AKNA: variants seen among roughly 807,000 people sequenced by gnomAD.
AKNA encodes AT-hook transcription factor.
In AKNA, 67 loss-of-function variants were observed where a neutral mutation model predicts 138.8. The observed-to-expected ratio is 0.48, with a 90% confidence interval of 0.40 to 0.59. AKNA has a LOEUF of 0.59. AKNA is among the 20% of genes least tolerant of loss of function. The pLI, the probability that AKNA is intolerant of heterozygous loss-of-function variation, is 0.00. For missense variants in AKNA, 1,813 were observed against 1,880.4 expected (o/e 0.96, Z 0.66); for synonymous variants, 737 against 754.4 (o/e 0.98, Z 0.38).
In AKNA at chr9:114,359,814, G is replaced by C. The variant is rs1564633796; in HGVS notation, c.2292-20C>G. ...AGGTACCTGCAGAAGAACACACAGA[G>C]GGGCATGACCTCTGCCCAGTGGGGG... On this transcript the variant is annotated intron_variant, in intron 10 of 21. Transcript: ENST00000374088. 3 of 1,592,154 alleles carry C rather than the reference G, an allele frequency of 1.9e-6. No individual in the cohort carries two copies. The highest frequency in any genetic ancestry group is 2.6e-6 in the Non-Finnish European group (3 of 1,174,794).
chr9:114,365,516 T>C (rs1438760410), intron 6 of AKNA, among the ~76,000 whole-genome samples: 3 of 152,188 alleles, frequency 2.0e-5, no homozygotes, highest in Non-Finnish European at 4.4e-5. Flanking sequence ...GGTTCGGTTT[T>C]AAGAAAGCTC....
intron 4 of AKNA, among the ~76,000 whole-genome samples, chr9:114,371,350 CTG>C (rs953061116): frequency 6.6e-6 from 1 of 152,272 alleles, no homozygotes; most frequent in African/African-American, 2.4e-5. Context: ...TTTAACCTCT[CTG>C]TGCCTCAGCT....
At chr9:114,391,802 C>T (rs1326425744), upstream of AKNA, among the ~76,000 whole-genome samples, 3 of 133,222 alleles carry the variant, frequency 2.3e-5, no homozygotes, top group Non-Finnish European at 4.6e-5. Flanking sequence ...TGCAGTGAGT[C>T]GAGATTGCAC....
Position 114,376,655 on chromosome 9 carries a change from G to GTGGCTTCT in AKNA, c.1144_1151dup (p.His384GlnfsTer29), listed in dbSNP as rs761109401. 1 of 1,613,974 alleles carries GTGGCTTCT rather than the reference G, an allele frequency of 6.2e-7. No homozygotes were observed. The highest frequency in any genetic ancestry group is 8.5e-7 in the Non-Finnish European group (1 of 1,179,950). On this transcript the variant is annotated frameshift_variant, in exon 3 of 22. Transcript: ENST00000374088. LOFTEE classifies it high-confidence loss of function. The stretch of plus-strand genomic sequence containing the variant: ...TGGCAGGGGCCTGAGGCTTCCTGTT[G>GTGGCTTCT]TGGCTTCTGGACTTGGGGGGACGGT...
At chr9:114,378,566 G>A (rs1389270901) in intron 2 of AKNA, among the ~76,000 whole-genome samples, 1 of 152,190 alleles carries the variant, frequency 6.6e-6, no homozygotes, top group Non-Finnish European at 1.5e-5. Flanking sequence ...AAAGGGAGGT[G>A]AGTGAGGAAG....
In AKNA at chr9:114,337,151, G is replaced by A. The variant is rs1429252240; in HGVS notation, c.4223C>T (p.Ala1408Val). The A allele has an allele frequency of 6.2e-7, 1 of 1,610,694 alleles. No homozygotes were observed. The highest frequency in any genetic ancestry group is 1.7e-5 in the Admixed American group (1 of 59,780). ...LNKALSRAVQ[A>V]AESVRSTTRQ... The stretch of plus-strand genomic sequence containing the variant: ...GGTGGTAGAGCGGACGCTCTCGGCA[G>A]CCTGCACGGCCCGGCTCAGGGCCTT... The change falls in exon 22 of 22, where the codon GCT becomes GTT. Residue 1408 changes from alanine (A) to valine (V), a missense_variant. Ala to Val is a moderately conservative substitution (Grantham distance 64, BLOSUM62 0). Coordinates refer to ENST00000374088, the MANE Select transcript of AKNA (RefSeq NM_001317950.2).
rs1331666417 is a variant in AKNA, at chr9:114,358,039, G to C, written c.2621C>G (p.Pro874Arg). Residue 874 changes from proline to arginine, a missense_variant, in exon 12 of 22, where the codon CCT becomes CGT. Transcript: ENST00000374088. ...APPGPGVPPH[P>R]PGTKSAASHQ... ...GGATGCTGCGGACTTGGTGCCTGGA[G>C]GGTGGGGTGGCACGCCAGGGCCTGG... The C allele has an allele frequency of 1.9e-6, 3 of 1,611,148 alleles. No homozygotes were observed. The highest frequency in any genetic ancestry group is 2.5e-6 in the Non-Finnish European group (3 of 1,177,956).
intron 19 of AKNA, 60 bp downstream of exon 19, chr9:114,343,646 CCT>C: frequency 6.5e-6 from 10 of 1,540,216 alleles, no homozygotes; most frequent in Non-Finnish European, 2.7e-6. Context: ...TACACACTCC[CCT>C]GAGGGCAAGA....
chr9:114,358,741 A>C lies in AKNA; in HGVS notation c.2493-574T>G, dbSNP rs1031906946. Among the ~76,000 whole-genome samples, 3 of 151,144 alleles carry C rather than the reference A, an allele frequency of 2.0e-5. No homozygotes were observed. In the East Asian group the frequency reaches 5.9e-4, roughly 30 times the overall value. ...TAAACTATCACAAGGACAAAAAACCAAACACCGCATGTTCTTACTCATAGG... is the reference window on the plus strand; with the variant it reads ...TAAACTATCACAAGGACAAAAAACCCAACACCGCATGTTCTTACTCATAGG... On this transcript the variant is annotated intron_variant, in intron 11 of 21. Transcript: ENST00000374088.
chr9:114,356,222 A>C, intron 13 of AKNA, 86 bp from the exon 14 acceptor site: 1 of 1,280,086 alleles, frequency 7.8e-7, no homozygotes, highest in Non-Finnish European at 1.1e-6. Context: ...CCACATGCTA[A>C]CCCAATAAGC....
At chr9:114,350,533 G>T (rs1476550654) in intron 15 of AKNA, among the ~76,000 whole-genome samples, 2 of 152,144 alleles carry the variant, frequency 1.3e-5, no homozygotes. Context: ...ACAATCAATG[G>T]TCAAATTGCA....
rs746973445 is a variant in AKNA, at chr9:114,350,863, G to T, written c.3217C>A (p.Arg1073=). ...GGATCCAAGTGTCTAACTTACTCTC[G>T]CCCTGCCCTGGTGAGCAGGAAGCTG... ...IPSFLLTRAG[R]DQAICELQEE... is the part of the protein sequence containing the mutation. Residue 1073 remains arginine, a synonymous_variant, in exon 15 of 22, where the codon CGA becomes AGA. Transcript: ENST00000374088. The T allele has an allele frequency of 6.4e-7, 1 of 1,561,988 alleles. No individual in the cohort carries two copies. Among genetic ancestry groups the T allele is most frequent in the African/African-American group, 1.4e-5 (1 of 73,182 alleles).
chr9:114,372,350 C>T (rs1259359091), intron 4 of AKNA, among the ~76,000 whole-genome samples: 1 of 152,090 alleles, frequency 6.6e-6, no homozygotes, highest in Admixed American at 6.5e-5. Context: ...GACCCTGAGT[C>T]CTACTGGGTC....
Position 114,345,876 on chromosome 9 carries a change from C to A in AKNA, c.3648G>T (p.Arg1216=). Residue 1216 remains arginine, a synonymous_variant, in exon 18 of 22, where the codon CGG becomes CGT. Coordinates refer to ENST00000374088, the MANE Select transcript of AKNA (RefSeq NM_001317950.2). ...CTCCTGACCTACCTGTGTATTGGCCCCGGAAGGTGACCCTGTCTGGCCATC... is the reference window on the plus strand; with the variant it reads ...CTCCTGACCTACCTGTGTATTGGCCACGGAAGGTGACCCTGTCTGGCCATC... ...SAGWPDRVTF[R]GQYTGHEYHV... The A allele has an allele frequency of 6.2e-7, 1 of 1,614,146 alleles. No individual in the cohort carries two copies. Among genetic ancestry groups the A allele is most frequent in the African/African-American group, 1.3e-5 (1 of 75,034 alleles).
chr9:114,385,780 C>T (rs971164905), intron 1 of AKNA, among the ~76,000 whole-genome samples: 1 of 152,228 alleles, frequency 6.6e-6, no homozygotes, highest in Non-Finnish European at 1.5e-5. Flanking sequence ...CACAAAGCCC[C>T]AGAACTGGCC....
At position 114,361,848 on chromosome 9, in the gene AKNA, G is replaced by A. The variant is rs377221752; in HGVS notation, c.1980C>T (p.Asp660=). 13 of 1,611,616 alleles carry A rather than the reference G, an allele frequency of 8.1e-6. No individual in the cohort carries two copies. Among genetic ancestry groups the A allele is most frequent in the Non-Finnish European group, 1.1e-5 (13 of 1,180,016 alleles). Residue 660 remains aspartate (D), a synonymous_variant, in exon 9 of 22, where the codon GAC becomes GAT. Transcript: ENST00000374088. ...GCGGCTCAGGCTCTTGCTGGGTCTG[G>A]TCTATGTGTTCCTTCAGCTCTTCCA... ...SCLEELKEHI[D]QTQQEPEPPG... is the part of the protein sequence containing the mutation.
At chr9:114,358,748 G>A (rs1481792336) in intron 11 of AKNA, among the ~76,000 whole-genome samples, 2 of 148,740 alleles carry the variant, frequency 1.3e-5, no homozygotes, top group South Asian at 2.1e-4. Context: ...ACCAAACACC[G>A]CATGTTCTTA....
chr9:114,391,863 A>G (rs2132154907), upstream of AKNA, among the ~76,000 whole-genome samples: 1 of 149,438 alleles, frequency 6.7e-6, no homozygotes, highest in Non-Finnish European at 1.5e-5. Context: ...CAAAAAAAAA[A>G]AAAAAAAAAA....
rs756794726 is a variant in AKNA at position 114,359,647 on chromosome 9, G to A, written c.2439C>T (p.Val813=). The A allele has an allele frequency of 6.2e-7, 1 of 1,613,360 alleles. No homozygotes were observed. The highest frequency in any genetic ancestry group is 1.1e-5 in the South Asian group (1 of 91,070). ...CCTGCACCGGGCACTGCCTTGGGAGGACCCTGGTGGCCTCTGCTTTCCCTG... is the reference window on the plus strand; with the variant it reads ...CCTGCACCGGGCACTGCCTTGGGAGAACCCTGGTGGCCTCTGCTTTCCCTG... ...ATPGKAEATR[V]LPRQCPVQAE... The change falls in exon 11 of 22, where the codon GTC becomes GTT. Residue 813 remains valine (V), a synonymous_variant. Coordinates refer to ENST00000374088, the MANE Select transcript of AKNA (RefSeq NM_001317950.2).
Sources: allele counts gnomAD v4.1 joint callset (sites outside exome capture counted in the v4.1 genomes callset), GRCh38; gene constraint gnomAD v4.1.1; transcripts MANE v1.5; gene names NCBI Gene and HGNC (gene_info 2026-07-23, HGNC 2026-07-21).